Variants in SLC6A6 observed in about 807,000 individuals in gnomAD.
SLC6A6 encodes solute carrier family 6 member 6.
In SLC6A6, 16 loss-of-function variants were observed where a neutral mutation model predicts 68.8. The observed-to-expected ratio is 0.23, with a 90% confidence interval of 0.16 to 0.35. The LOEUF (loss-of-function observed/expected upper bound fraction) is 0.35. SLC6A6 is among the 10% of genes least tolerant of loss of function. The probability of loss-of-function intolerance (pLI) is 1.00; values close to 1 mark genes in which losing one functional copy is unlikely to be tolerated. For synonymous variants in SLC6A6, 312 were observed against 315.4 expected (o/e 0.99, Z 0.12); for missense variants, 474 against 802.8 (o/e 0.59, Z 4.95).
At chr3:14,462,694 T>TA (rs200732285) in intron 6 of SLC6A6, among the ~76,000 whole-genome samples, 35 of 149,480 alleles carry the variant, frequency 2.3e-4, no homozygotes, top group Middle Eastern at 3.5e-3. Flanking sequence ...GACCGTGTCT[T>TA]AAAAAAAAAA....
intron 2 of SLC6A6, among the ~76,000 whole-genome samples, chr3:14,424,852 TG>T (rs1225335682): frequency 6.6e-6 from 1 of 151,900 alleles, no homozygotes; most frequent in African/African-American, 2.4e-5. Context: ...GCCCGTGAAG[TG>T]CATTGGGAGG....
intron 2 of SLC6A6, among the ~76,000 whole-genome samples, chr3:14,422,232 G>A (rs1352892795): frequency 6.6e-6 from 1 of 152,128 alleles, no homozygotes; most frequent in Non-Finnish European, 1.5e-5. Context: ...CATGAAGGAA[G>A]GTGTCCTGGG....
chr3:14,424,879 C>T (rs145681543), intron 2 of SLC6A6, among the ~76,000 whole-genome samples: 3 of 152,122 alleles, frequency 2.0e-5, no homozygotes, highest in African/African-American at 4.8e-5. Flanking sequence ...GACGGGGACA[C>T]GGCGCTATTG....
chr3:14,472,344 G>T lies in SLC6A6; in HGVS notation c.1209+27G>T, dbSNP rs373663427. 5.8e-6 allele frequency: 8 copies of T among 1,380,844 alleles called. No individual in the cohort carries two copies. Among genetic ancestry groups the T allele is most frequent in the East Asian group, 2.3e-5 (1 of 43,766 alleles). 85.5% of individuals were successfully genotyped at this position (1,380,844 alleles called of 1,614,324 possible). On this transcript the variant is annotated intron_variant, in intron 10 of 14. Transcript: ENST00000622186. The surrounding 1 kb of genome is among the most constrained non-coding windows in gnomAD (Gnocchi z 4.5). ...TGCGTATAAGGGATGGCCCTGGGGC[G>T]ACTGCCCCTGTGGGGAACCTGACTC...
chr3:14,413,933 A>AT (rs1163248967), intron 1 of SLC6A6, among the ~76,000 whole-genome samples: 1 of 151,968 alleles, frequency 6.6e-6, no homozygotes, highest in Admixed American at 6.6e-5. Context: ...CTTCAGTTTT[A>AT]TTTTTTTTAT....
chr3:14,458,198 C>T (rs1291547017), intron 6 of SLC6A6, 116 bp downstream of exon 6: 36 of 946,948 alleles, frequency 3.8e-5, no homozygotes, highest in South Asian at 3.3e-4. Flanking sequence ...CCAGTGGTGG[C>T]GTGCTGGTAA....
chr3:14,469,981 C>T (rs1027704195), intron 9 of SLC6A6, among the ~76,000 whole-genome samples: 1 of 152,174 alleles, frequency 6.6e-6, no homozygotes, highest in African/African-American at 2.4e-5. Flanking sequence ...CAGAAGTCCC[C>T]ACGCCCCTTA....
intron 6 of SLC6A6, among the ~76,000 whole-genome samples, chr3:14,466,098 C>T (rs1185109992): frequency 6.6e-6 from 1 of 151,868 alleles, no homozygotes; most frequent in East Asian, 1.9e-4. Context: ...CCCATCTCTA[C>T]TAAAAATACA....
chr3:14,447,989 A>G, intron 5 of SLC6A6, 173 bp downstream of exon 5: 1 of 1,420,074 alleles, frequency 7.0e-7, no homozygotes, highest in Non-Finnish European at 9.2e-7. Flanking sequence ...CTGGAATCCC[A>G]GTTCTGCCAC....
chr3:14,434,795 C>T (rs1699813303), intron 2 of SLC6A6, among the ~76,000 whole-genome samples: 2 of 152,168 alleles, frequency 1.3e-5, no homozygotes, highest in Non-Finnish European at 2.9e-5. Flanking sequence ...TGCCTCCACC[C>T]CTCCCCCTGC....
chr3:14,474,147 C>T (rs553386297), intron 10 of SLC6A6, among the ~76,000 whole-genome samples: 1 of 152,326 alleles, frequency 6.6e-6, no homozygotes, highest in East Asian at 1.9e-4. Context: ...GTCTCCCAGG[C>T]CCCATGTCCC....
At chr3:14,449,902 C>G (rs1559301597) in intron 5 of SLC6A6, among the ~76,000 whole-genome samples, 1 of 152,138 alleles carries the variant, frequency 6.6e-6, no homozygotes, top group Non-Finnish European at 1.5e-5. Flanking sequence ...CAGGAACACA[C>G]CACTATGTCC....
Position 14,413,197 on chromosome 3 carries a change from C to T in SLC6A6, c.-53-3215C>T, listed in dbSNP as rs540487819. Among the ~76,000 whole-genome samples, 7 of 152,338 alleles carry T rather than the reference C, an allele frequency of 4.6e-5. No homozygotes were observed. The South Asian group carries it at 1.2e-3, about 27-fold the overall frequency. ...TGCTCTGGGCGCCTGGAAAACCAGC[C>T]TGGAGCCTGCTGGAGCCCAAGGAAG... is the stretch of plus-strand genomic sequence containing the variant. On this transcript the variant is annotated intron_variant, in intron 1 of 14. Coordinates refer to ENST00000622186, the MANE Select transcript of SLC6A6 (RefSeq NM_003043.6).
chr3:14,443,723 C>A lies in SLC6A6; in HGVS notation c.89C>A (p.Pro30His), dbSNP rs780928107. The A allele has an allele frequency of 6.2e-7, 1 of 1,614,134 alleles. No homozygotes were observed. Among genetic ancestry groups the A allele is most frequent in the Admixed American group, 1.7e-5 (1 of 60,028 alleles). ...CCAGGGAAGAGCCCAGGCACGCGGCCTGAGGACGAGGCTGAGGGAAAACCT... is the reference window on the plus strand; with the variant it reads ...CCAGGGAAGAGCCCAGGCACGCGGCATGAGGACGAGGCTGAGGGAAAACCT... ...PSPGKSPGTR[P>H]EDEAEGKPPQ... is the part of the protein sequence containing the mutation. The change falls in exon 3 of 15, where the codon CCT (proline) becomes CAT (histidine). Residue 30 changes from proline (P) to histidine (H), a missense_variant. By Grantham distance (77) the Pro-to-His change is moderately conservative. This residue lies in a region of SLC6A6 where 280 missense variants were observed against 533.1 expected (regional missense o/e 0.53). Transcript: ENST00000622186.
At chr3:14,418,471 A>G (rs1308925774) in intron 2 of SLC6A6, among the ~76,000 whole-genome samples, 1 of 152,180 alleles carries the variant, frequency 6.6e-6, no homozygotes, top group African/African-American at 2.4e-5. Flanking sequence ...GTGCTGTGAC[A>G]TCGGGCAGGG....
intron 5 of SLC6A6, among the ~76,000 whole-genome samples, chr3:14,454,510 G>C (rs993540972): frequency 6.6e-6 from 1 of 152,090 alleles, no homozygotes; most frequent in African/African-American, 2.4e-5. Context: ...ACTGTGGAGG[G>C]GCCTGCCTGA....
chr3:14,421,242 A>G (rs960929071), intron 2 of SLC6A6, among the ~76,000 whole-genome samples: 2 of 152,214 alleles, frequency 1.3e-5, no homozygotes, highest in African/African-American at 4.8e-5. Context: ...AAAAGCCGGT[A>G]AGCAAAAAAT....
At chr3:14,448,532 A>G (rs1309530762) in intron 5 of SLC6A6, among the ~76,000 whole-genome samples, 1 of 152,226 alleles carries the variant, frequency 6.6e-6, no homozygotes, top group Non-Finnish European at 1.5e-5. Context: ...CCACTAAGCA[A>G]GCACTCTAGG....
At chr3:14,465,227 C>G (rs1332240871) in intron 6 of SLC6A6, among the ~76,000 whole-genome samples, 1 of 152,240 alleles carries the variant, frequency 6.6e-6, no homozygotes, top group African/African-American at 2.4e-5. Flanking sequence ...TCCATGAGAA[C>G]TGAAGCCACA....
Sources: gnomAD v4.1 joint callset for allele counts (sites outside exome capture counted in the v4.1 genomes callset) on GRCh38, gnomAD v4.1.1 for gene constraint, gnomAD v4.1.1 regional missense constraint, Gnocchi (gnomAD v3.1) non-coding constraint, MANE v1.5 for transcripts, NCBI Gene and HGNC (gene_info 2026-07-23, HGNC 2026-07-21) for gene names.